PBX1: variants seen among roughly 807,000 people sequenced by gnomAD.
PBX1 encodes PBX homeobox 1.
A neutral mutation model predicts 53.4 loss-of-function variants in PBX1; 6 were observed. The ratio of observed to expected loss-of-function variants is 0.11; its 90% CI spans 0.06 to 0.22. The LOEUF (loss-of-function observed/expected upper bound fraction) is 0.22, where lower values mean the gene tolerates loss of function less well. Among genes scored for constraint, PBX1 ranks in the 10% least tolerant of loss-of-function variants. PBX1 has a pLI of 1.00. For missense variants in PBX1, 251 were observed against 551.4 expected (o/e 0.46, Z 5.46); for synonymous variants, 204 against 212.3 (o/e 0.96, Z 0.34).
intron 2 of PBX1, among the ~76,000 whole-genome samples, chr1:164,594,835 G>C (rs1451613651): frequency 6.6e-6 from 1 of 152,104 alleles, no homozygotes; most frequent in Non-Finnish European, 1.5e-5. Context: ...ACAGTGGCTA[G>C]TGGCAACCTT....
chr1:164,811,905 C>T, intron 5 of PBX1, 85 bp from the exon 6 acceptor site: 1 of 1,143,140 alleles, frequency 8.7e-7, no homozygotes, highest in Non-Finnish European at 1.2e-6. Flanking sequence ...ACCTCTTCAC[C>T]TCTCCCATAA....
intron 2 of PBX1, among the ~76,000 whole-genome samples, chr1:164,731,058 C>T (rs985518292): frequency 6.6e-6 from 1 of 151,872 alleles, no homozygotes; most frequent in African/African-American, 2.4e-5. Context: ...GATTGCTTTC[C>T]GTGTTTATGT....
intron 2 of PBX1, among the ~76,000 whole-genome samples, chr1:164,877,754 T>C (rs1173070007): frequency 6.6e-6 from 1 of 152,178 alleles, no homozygotes; most frequent in Non-Finnish European, 1.5e-5. Context: ...AACTGTACAT[T>C]TGAAGTGTAC....
chr1:164,703,768 G>A (rs1460312062), intron 2 of PBX1, among the ~76,000 whole-genome samples: 1 of 152,170 alleles, frequency 6.6e-6, no homozygotes, highest in South Asian at 2.1e-4. Context: ...ATCTAAGAGA[G>A]GTCAGGAAGG....
At chr1:164,664,687 A>G (rs1001018335) in intron 2 of PBX1, among the ~76,000 whole-genome samples, 2 of 152,222 alleles carry the variant, frequency 1.3e-5, no homozygotes, top group Admixed American at 6.5e-5. Flanking sequence ...AAGAGGCTTA[A>G]TGACTTACAG....
At chr1:164,682,430 C>T (rs975581633) in intron 2 of PBX1, 13 of 152,118 alleles carry the variant, frequency 8.5e-5, no homozygotes, top group African/African-American at 2.7e-4. Context: ...TGAATGCCAG[C>T]ACTGTTCTTT....
rs143639492 is a variant in PBX1 at position 164,871,996 on chromosome 1, A to G, written n.258-27192A>G. The stretch of plus-strand genomic sequence containing the variant: ...GATAGCATGTGTTCAATAAATATTG[A>G]AAGAAATAATACTCGAGCTCAGTTC... On this transcript the variant is annotated intron_variant and non_coding_transcript_variant, in intron 2 of 2. Transcript: ENST00000558796. Among the ~76,000 whole-genome samples the G allele has an allele frequency of 3.1e-3, 478 of 152,306 alleles. 2 individuals are homozygous for G. Among genetic ancestry groups the G allele is most frequent in the African/African-American group, 0.01 (434 of 41,558 alleles).
At chr1:164,698,773 A>AT (rs1662935746) in intron 2 of PBX1, among the ~76,000 whole-genome samples, 1 of 152,170 alleles carries the variant, frequency 6.6e-6, no homozygotes, top group African/African-American at 2.4e-5. Flanking sequence ...AATCTCTAAC[A>AT]TTTACTAAGT....
intron 8 of PBX1, among the ~76,000 whole-genome samples, chr1:164,835,432 A>C (rs890704860): frequency 6.6e-6 from 1 of 152,224 alleles, no homozygotes. Context: ...CTATTAATTT[A>C]TGGTTCTCAC....
chr1:164,864,315 T>C (rs1672167066), intron 2 of PBX1, among the ~76,000 whole-genome samples: 1 of 152,174 alleles, frequency 6.6e-6, no homozygotes, highest in Non-Finnish European at 1.5e-5. Context: ...AAATCTTTCT[T>C]GGAGAGTTGT....
At chr1:164,806,642 C>G (rs1291049495) in intron 4 of PBX1, among the ~76,000 whole-genome samples, 1 of 152,216 alleles carries the variant, frequency 6.6e-6, no homozygotes, top group African/African-American at 2.4e-5. Context: ...TACCTTAGCT[C>G]TGTTACATAC....
chr1:164,570,470 G>A (rs1412954339), intron 2 of PBX1, among the ~76,000 whole-genome samples: 1 of 151,966 alleles, frequency 6.6e-6, no homozygotes, highest in Non-Finnish European at 1.5e-5. Context: ...TTGATTTTCT[G>A]TTCCTGTGTT....
intron 2 of PBX1, among the ~76,000 whole-genome samples, chr1:164,647,275 C>T (rs186319284): frequency 2.1e-4 from 32 of 152,210 alleles, no homozygotes; most frequent in Admixed American, 9.1e-4. Context: ...GAACAGGGGC[C>T]GTTGGAGGAG....
intron 2 of PBX1, among the ~76,000 whole-genome samples, chr1:164,663,206 C>T (rs1264411347): frequency 6.7e-6 from 1 of 148,156 alleles, no homozygotes; most frequent in Admixed American, 6.7e-5. Flanking sequence ...TCCTGCCTTC[C>T]TTCCTGCCTT....
intron 2 of PBX1, among the ~76,000 whole-genome samples, chr1:164,780,810 C>A (rs1281164051): frequency 1.3e-5 from 2 of 152,180 alleles, no homozygotes; most frequent in African/African-American, 4.8e-5. Flanking sequence ...ATCTCAGTCG[C>A]CCTTACCCCA....
chr1:164,875,885 T>C (rs961770695), intron 2 of PBX1, among the ~76,000 whole-genome samples: 2 of 151,730 alleles, frequency 1.3e-5, no homozygotes, highest in African/African-American at 4.8e-5. Context: ...ATAATAAAAG[T>C]AATGCTTATT....
chr1:164,690,995 T>C (rs1293729393), intron 2 of PBX1, among the ~76,000 whole-genome samples: 1 of 147,104 alleles, frequency 6.8e-6, no homozygotes, highest in Non-Finnish European at 1.5e-5. Context: ...TGTAAAGTGA[T>C]CAAGAGTTGT....
At chr1:164,658,739 T>C (rs549701555) in intron 2 of PBX1, among the ~76,000 whole-genome samples, 1 of 152,342 alleles carries the variant, frequency 6.6e-6, no homozygotes, top group South Asian at 2.1e-4. Flanking sequence ...TTTTAATAGT[T>C]ACCTTATAAT....
At chr1:164,691,405 T>C (rs1662477616) in intron 2 of PBX1, among the ~76,000 whole-genome samples, 1 of 152,048 alleles carries the variant, frequency 6.6e-6, no homozygotes, top group African/African-American at 2.4e-5. Flanking sequence ...CACACTAGAG[T>C]ACTGTGGGCA....
Sources: gnomAD v4.1 joint callset for allele counts (sites outside exome capture counted in the v4.1 genomes callset) on GRCh38, gnomAD v4.1.1 for gene constraint, MANE v1.5 for transcripts, NCBI Gene and HGNC (gene_info 2026-07-23, HGNC 2026-07-21) for gene names.